The following SMAP2 variants were observed in gnomAD, a reference collection of about 807,000 sequenced individuals.
The protein encoded by SMAP2 is stromal membrane-associated protein 2.
Under a neutral mutation model 56.4 loss-of-function variants are expected in SMAP2, and 25 were observed. The ratio of observed to expected loss-of-function variants is 0.44; its 90% CI spans 0.32 to 0.62. SMAP2 has a LOEUF of 0.62. Ranked by LOEUF, SMAP2 falls within the 20% of genes least tolerant of loss-of-function variation. The pLI, the probability that SMAP2 is intolerant of heterozygous loss-of-function variation, is 0.04. For synonymous variants in SMAP2, 157 were observed against 181.7 expected (o/e 0.86, Z 1.09); for missense variants, 388 against 545.6 (o/e 0.71, Z 2.88).
chr1:40,355,138 A>C (rs956399506), intron 1 of SMAP2, among the ~76,000 whole-genome samples: 1 of 152,054 alleles, frequency 6.6e-6, no homozygotes, highest in African/African-American at 2.4e-5. Context: ...GATACTGATA[A>C]AGAATAATTG....
rs1306771697 is a variant in SMAP2 at position 40,374,264 on chromosome 1, C to T, written c.103+41C>T. The T allele has an allele frequency of 6.5e-7, 1 of 1,545,920 alleles. No individual in the cohort carries two copies. Among genetic ancestry groups the T allele is most frequent in the Admixed American group, 1.8e-5 (1 of 54,166 alleles). On this transcript the variant is annotated intron_variant, in intron 1 of 9. Transcript: ENST00000372718. This position sits in a 1 kb window ranked among gnomAD's most constrained non-coding sequence, Gnocchi z 5.9. Reference sequence around the variant, plus strand: ...TGGCGGGCCAGGGGTCCAGCCGCGCCGGGGTGGTGGGGGTGGGCTGCGTGA... The same window carrying T: ...TGGCGGGCCAGGGGTCCAGCCGCGCTGGGGTGGTGGGGGTGGGCTGCGTGA...
intron 1 of SMAP2, among the ~76,000 whole-genome samples, chr1:40,384,375 C>A (rs536534764): frequency 1.3e-5 from 2 of 152,288 alleles, no homozygotes; most frequent in South Asian, 4.1e-4. Flanking sequence ...TCTACCCTGA[C>A]CTGAAAAAAA....
At chr1:40,349,821 A>T (rs1644403135) in intron 1 of SMAP2, among the ~76,000 whole-genome samples, 1 of 152,162 alleles carries the variant, frequency 6.6e-6, no homozygotes, top group African/African-American at 2.4e-5. Context: ...GCCCAGCCAC[A>T]AGATTATTTT....
chr1:40,351,314 T>A (rs535283628), intron 1 of SMAP2, among the ~76,000 whole-genome samples: 1 of 152,286 alleles, frequency 6.6e-6, no homozygotes, highest in African/African-American at 2.4e-5. Context: ...TGTTGGAGAT[T>A]GTCCATTGCA....
At chr1:40,391,717 T>C (rs377619387) in intron 1 of SMAP2, among the ~76,000 whole-genome samples, 3 of 152,192 alleles carry the variant, frequency 2.0e-5, no homozygotes, top group South Asian at 4.1e-4. Context: ...TCACCCTTTT[T>C]AGTAGCTTCT....
Position 40,374,318 on chromosome 1 carries a change from C to T in SMAP2, c.103+95C>T. 2 of 1,045,688 alleles carry T rather than the reference C, an allele frequency of 1.9e-6. No homozygotes were observed. Among genetic ancestry groups the T allele is most frequent in the Admixed American group, 4.0e-5 (2 of 49,928 alleles). 64.8% of individuals were successfully genotyped at this position (1,045,688 alleles called of 1,614,324 possible). The stretch of plus-strand genomic sequence containing the variant: ...GGCGGTTTCTGAAGCTTAGGCCGCC[C>T]AACTCGGCTTATAAGTGGTAACGCG... On this transcript the variant is annotated intron_variant, in intron 1 of 9. Transcript: ENST00000372718. This position sits in a 1 kb window ranked among gnomAD's most constrained non-coding sequence, Gnocchi z 5.9.
At chr1:40,352,690 C>T (rs902887045) in intron 1 of SMAP2, among the ~76,000 whole-genome samples, 1 of 151,830 alleles carries the variant, frequency 6.6e-6, no homozygotes, top group African/African-American at 2.4e-5. Flanking sequence ...CCATTCTCTG[C>T]TAATTTTTTA....
chr1:40,350,277 C>G (rs1380746965), intron 1 of SMAP2, among the ~76,000 whole-genome samples: 1 of 152,168 alleles, frequency 6.6e-6, no homozygotes, highest in African/African-American at 2.4e-5. Context: ...ACAGAACAAA[C>G]AGGACATCCC....
intron 1 of SMAP2, among the ~76,000 whole-genome samples, chr1:40,349,941 G>A (rs753985155): frequency 1.5e-4 from 23 of 152,188 alleles, no homozygotes; most frequent in Non-Finnish European, 3.1e-4. Context: ...CAGAGAGCAG[G>A]TGAGTCAGAC....
intron 1 of SMAP2, among the ~76,000 whole-genome samples, chr1:40,356,311 C>T (rs756698851): frequency 5.3e-5 from 8 of 151,964 alleles, no homozygotes; most frequent in East Asian, 1.9e-4. Context: ...GATATCCCCT[C>T]GATATACTGA....
At chr1:40,362,594 T>C (rs1244409597) in intron 2 of SMAP2, among the ~76,000 whole-genome samples, 1 of 152,212 alleles carries the variant, frequency 6.6e-6, no homozygotes, top group Non-Finnish European at 1.5e-5. Flanking sequence ...CATGCTATTC[T>C]CATTCCTGAT....
intron 1 of SMAP2, among the ~76,000 whole-genome samples, chr1:40,347,940 A>G (rs1433044706): frequency 6.6e-6 from 1 of 151,816 alleles, no homozygotes; most frequent in African/African-American, 2.4e-5. Flanking sequence ...TATTCTACAT[A>G]CTCATCTATT....
chr1:40,351,499 TTTTA>T (rs1487093718), intron 1 of SMAP2, among the ~76,000 whole-genome samples: 15 of 152,090 alleles, frequency 9.9e-5, no homozygotes, highest in African/African-American at 3.6e-4. Flanking sequence ...ATTCTTTCAT[TTTTA>T]TTTATTTATT....
chr1:40,390,016 C>T (rs910981143), intron 1 of SMAP2, among the ~76,000 whole-genome samples: 1 of 151,846 alleles, frequency 6.6e-6, no homozygotes, highest in Non-Finnish European at 1.5e-5. Flanking sequence ...GCCCCACCCC[C>T]TTATGCCATA....
chr1:40,403,059 A>C (rs776055978), intron 1 of SMAP2, among the ~76,000 whole-genome samples: 3 of 152,190 alleles, frequency 2.0e-5, no homozygotes, highest in Non-Finnish European at 2.9e-5. Flanking sequence ...GTGCATTTTC[A>C]AGAAATATTT....
intron 2 of SMAP2, among the ~76,000 whole-genome samples, chr1:40,363,011 T>C (rs1315358348): frequency 6.6e-6 from 1 of 152,092 alleles, no homozygotes; most frequent in Non-Finnish European, 1.5e-5. Flanking sequence ...TATTAGGAGA[T>C]GAATTAATCA....
At chr1:40,393,042 C>T (rs553657932) in intron 1 of SMAP2, among the ~76,000 whole-genome samples, 1 of 150,322 alleles carries the variant, frequency 6.7e-6, no homozygotes, top group African/African-American at 2.5e-5. Context: ...GCGGAGGTTG[C>T]AGTGAGCCAA....
At position 40,422,171 on chromosome 1, in the gene SMAP2, G is replaced by C. The variant is rs1005604982; in HGVS notation, c.*70G>C. On this transcript the variant is annotated 3_prime_UTR_variant, in exon 10 of 10. Coordinates refer to ENST00000372718, the MANE Select transcript of SMAP2 (RefSeq NM_022733.3). ...TCCCCTTTCCACAGCCTCCACCCCT[G>C]ACCCCCATCCTCTTTTCCTACCTCT... The C allele has an allele frequency of 6.3e-7, 1 of 1,584,514 alleles. No homozygotes were observed. Among genetic ancestry groups the C allele is most frequent in the African/African-American group, 1.3e-5 (1 of 74,252 alleles).
chr1:40,412,658 T>C (rs1644947462), intron 4 of SMAP2, among the ~76,000 whole-genome samples: 1 of 152,190 alleles, frequency 6.6e-6, no homozygotes, highest in East Asian at 1.9e-4. Flanking sequence ...AGTATACTGA[T>C]ATGAGGGGAG....
Sources: gnomAD v4.1 joint callset for allele counts (sites outside exome capture counted in the v4.1 genomes callset) on GRCh38, gnomAD v4.1.1 for gene constraint, Gnocchi (gnomAD v3.1) non-coding constraint, MANE v1.5 for transcripts, NCBI Gene and HGNC (gene_info 2026-07-23, HGNC 2026-07-21) for gene names.